LCOR: variants seen among roughly 807,000 people sequenced by gnomAD.
LCOR encodes ligand-dependent corepressor.
Under a neutral mutation model 64.4 loss-of-function variants are expected in LCOR, and 14 were observed. That is an observed-to-expected ratio of 0.22 (90% confidence interval 0.14 to 0.34). LCOR has a LOEUF of 0.34. Ranked by LOEUF, LCOR falls within the 10% of genes least tolerant of loss-of-function variation. LCOR has a pLI of 1.00. For synonymous variants in LCOR, 643 were observed against 642.5 expected (o/e 1.00, Z -0.01); for missense variants, 1,686 against 1,765.3 (o/e 0.96, Z 0.80).
At chr10:96,957,927 T>G in intron 7 of LCOR, 1 of 986,514 alleles carries the variant, frequency 1.0e-6, no homozygotes. Context: ...AATAGCATTT[T>G]ATGATTCTAC....
At chr10:96,857,884 C>T (rs59938221) in intron 2 of LCOR, among the ~76,000 whole-genome samples, 21,437 of 152,150 alleles carry the variant, frequency 0.14, 2,081 homozygotes, top group African/African-American at 0.27. Flanking sequence ...TCACCTCTCT[C>T]TCTATACCCT....
intron 2 of LCOR, among the ~76,000 whole-genome samples, chr10:96,865,500 G>A (rs1280731753): frequency 6.6e-6 from 1 of 151,644 alleles, no homozygotes; most frequent in South Asian, 2.1e-4. Flanking sequence ...TTTTTATCGT[G>A]TTTAATTGAG....
chr10:96,833,135 G>C, intron 1 of LCOR: 1 of 985,614 alleles, frequency 1.0e-6, no homozygotes, highest in Non-Finnish European at 1.2e-6. Flanking sequence ...GCGTATTTGT[G>C]TTCGGTGTCG....
intron 7 of LCOR, among the ~76,000 whole-genome samples, chr10:96,974,790 T>TA (rs992196863): frequency 7.2e-5 from 11 of 152,142 alleles, no homozygotes; most frequent in Admixed American, 6.5e-4. Flanking sequence ...TTTTTTAACA[T>TA]AAAAAAATAG....
rs1848108297 is a variant in LCOR, at chr10:96,983,068, C to T, written c.2608C>T (p.Leu870Phe). 1 of 1,613,814 alleles carries T rather than the reference C, an allele frequency of 6.2e-7. No homozygotes were observed. The highest frequency in any genetic ancestry group is 8.5e-7 in the Non-Finnish European group (1 of 1,179,782). Residue 870 changes from leucine to phenylalanine, a missense_variant, in exon 8 of 8, where the codon CTT becomes TTT. Leu to Phe is a conservative substitution (Grantham distance 22, BLOSUM62 0). Around this residue, in one of 3 missense-constraint regions of LCOR, gnomAD observed 1,293 missense variants for 1,410.4 expected, o/e 0.92. Coordinates refer to ENST00000421806, the MANE Select transcript of LCOR (RefSeq NM_001346516.2). This position sits in a 1 kb window ranked among gnomAD's most constrained non-coding sequence, Gnocchi z 4.5. Reference sequence around the variant, plus strand: ...CCCTGGTGGGACAACACCTAAGGGCCTTCTACCTGACAGTTTCCACACGGA... The same window carrying T: ...CCCTGGTGGGACAACACCTAAGGGCTTTCTACCTGACAGTTTCCACACGGA... ...GHPGGTTPKGLLPDSFHTETL... is the reference protein window; with the variant it reads ...GHPGGTTPKGFLPDSFHTETL...
At chr10:96,928,398 A>C (rs1367426594) in intron 4 of LCOR, among the ~76,000 whole-genome samples, 1 of 152,174 alleles carries the variant, frequency 6.6e-6, no homozygotes, top group Non-Finnish European at 1.5e-5. Flanking sequence ...ATGTAGACTC[A>C]TTTAAAAAAA....
chr10:96,958,637 T>C, intron 7 of LCOR: 1 of 574,602 alleles, frequency 1.7e-6, no homozygotes, highest in Non-Finnish European at 3.1e-6. Context: ...AATATTCATG[T>C]CTGTGAAGCT....
rs187987807 is a variant in LCOR, at chr10:96,980,808, G to A, written c.348G>A (p.Glu116=). 122 of 701,718 alleles carry A rather than the reference G, an allele frequency of 1.7e-4. 1 individual carries two copies. In the East Asian group the frequency reaches 3.2e-3, roughly 19 times the overall value. The allele number at this position is 701,718 out of a possible 1,614,324, so 43.5% of individuals were successfully genotyped here. A position where few individuals can be genotyped will look rare whatever the true frequency, so the allele number is the denominator to read the frequency against. Reference sequence around the variant, plus strand: ...CTCTGTCTAGTGAGAACTCAACAGAGGCAAAAGCAGTAGATTCTAACAATC... The same window carrying A: ...CTCTGTCTAGTGAGAACTCAACAGAAGCAAAAGCAGTAGATTCTAACAATC... The part of the protein sequence containing the change: ...STQGNGENST[E]AKAVDSNNQS... The change falls in exon 8 of 8, where the codon GAG becomes GAA. Residue 116 remains glutamate (E), a synonymous_variant. Coordinates refer to ENST00000421806, the MANE Select transcript of LCOR (RefSeq NM_001346516.2).
At chr10:96,945,632 T>C (rs1018701733) in intron 5 of LCOR, among the ~76,000 whole-genome samples, 4 of 152,174 alleles carry the variant, frequency 2.6e-5, no homozygotes, top group South Asian at 4.1e-4. Flanking sequence ...AAACAACTTA[T>C]AGAGCAGTTC....
intron 2 of LCOR, among the ~76,000 whole-genome samples, chr10:96,840,299 A>G (rs1277250799): frequency 6.6e-6 from 1 of 152,210 alleles, no homozygotes; most frequent in East Asian, 1.9e-4. Context: ...AGAGAGTTGT[A>G]GATTCTTTTA....
intron 2 of LCOR, among the ~76,000 whole-genome samples, chr10:96,898,231 G>A (rs1846575518): frequency 6.6e-6 from 1 of 152,114 alleles, no homozygotes; most frequent in Admixed American, 6.6e-5. Flanking sequence ...GGTGAGATGG[G>A]GATACCTTAG....
intron 2 of LCOR, among the ~76,000 whole-genome samples, chr10:96,841,587 C>T (rs1458475591): frequency 2.0e-5 from 3 of 152,006 alleles, no homozygotes; most frequent in African/African-American, 7.2e-5. Flanking sequence ...TCTCGAACTC[C>T]TGACCTCAAG....
chr10:96,947,657 G>A (rs1018924471), intron 5 of LCOR, among the ~76,000 whole-genome samples: 5 of 152,050 alleles, frequency 3.3e-5, no homozygotes, highest in African/African-American at 9.7e-5. Context: ...AAGATCAGGG[G>A]AAGAGTTTTA....
intron 2 of LCOR, among the ~76,000 whole-genome samples, chr10:96,878,035 G>A (rs1185882769): frequency 1.3e-5 from 2 of 152,186 alleles, no homozygotes; most frequent in African/African-American, 4.8e-5. Context: ...AAGAATGAGA[G>A]AGAGTACTAT....
intron 4 of LCOR, among the ~76,000 whole-genome samples, chr10:96,918,555 A>T (rs1221255350): frequency 6.6e-6 from 1 of 152,238 alleles, no homozygotes; most frequent in African/African-American, 2.4e-5. Flanking sequence ...AGATTTTGAG[A>T]GCTAAAGGGA....
chr10:96,934,380 G>C (rs927469554), intron 4 of LCOR, among the ~76,000 whole-genome samples: 1 of 152,150 alleles, frequency 6.6e-6, no homozygotes, highest in Non-Finnish European at 1.5e-5. Flanking sequence ...TTATTAAGGA[G>C]AGAGTTTTTA....
intron 7 of LCOR, 43 bp from the exon 8 acceptor site, chr10:96,980,750 G>A: frequency 3.2e-6 from 2 of 625,654 alleles, no homozygotes; most frequent in South Asian, 1.9e-5. Flanking sequence ...TGGTTCTTTG[G>A]TAAATGACAA....
Position 96,907,384 on chromosome 10 carries a change from G to A in LCOR, c.-264+54G>A, listed in dbSNP as rs1343633770. 7 of 606,696 alleles carry A rather than the reference G, an allele frequency of 1.2e-5. No individual in the cohort carries two copies. The Admixed American group carries it at 3.2e-4, about 27-fold the overall frequency. The allele number at this position is 606,696 out of a possible 1,614,324, so 37.6% of individuals were successfully genotyped here. A position where few individuals can be genotyped will look rare whatever the true frequency, so the allele number is the denominator to read the frequency against. Reference sequence around the variant, plus strand: ...TTCTTCCTGGTGCCATACATGATACGTTGGTGTTTTAAGCCTCAGTCTCCT... The same window carrying A: ...TTCTTCCTGGTGCCATACATGATACATTGGTGTTTTAAGCCTCAGTCTCCT... On this transcript the variant is annotated intron_variant, in intron 3 of 7. Coordinates refer to ENST00000421806, the MANE Select transcript of LCOR (RefSeq NM_001346516.2).
In LCOR at chr10:96,989,695, A is replaced by ATATTTTTTTTTTT. The variant is rs1371771053; in HGVS notation, c.*4562_*4563insATTTTTTTTTTTT. The ATATTTTTTTTTTT allele has an allele frequency of 1.2e-5, 1 of 86,190 alleles. No individual in the cohort carries two copies. The highest frequency in any genetic ancestry group is 2.0e-5 in the Non-Finnish European group (1 of 50,724). 5.3% of individuals were successfully genotyped at this position (86,190 alleles called of 1,614,324 possible). A position where few individuals can be genotyped will look rare whatever the true frequency, so the allele number is the denominator to read the frequency against. On this transcript the variant is annotated 3_prime_UTR_variant, in exon 8 of 8. Coordinates refer to ENST00000421806, the MANE Select transcript of LCOR (RefSeq NM_001346516.2). ...TAAGGATATATATATATATATATAT[A>ATATTTTTTTTTTT]TTTTTTTTTTTTTTTTTTTTTTTTA...
Sources: allele counts gnomAD v4.1 joint callset (sites outside exome capture counted in the v4.1 genomes callset), GRCh38; gene constraint gnomAD v4.1.1; regional missense constraint gnomAD v4.1.1; non-coding constraint Gnocchi (gnomAD v3.1); transcripts MANE v1.5; gene names NCBI Gene and HGNC (gene_info 2026-07-23, HGNC 2026-07-21).